The following SCFD1 variants were observed in gnomAD, a reference collection of about 807,000 sequenced individuals.
The protein encoded by SCFD1 is sec1 family domain-containing protein 1.
A neutral mutation model predicts 103.2 loss-of-function variants in SCFD1; 37 were observed. That is an observed-to-expected ratio of 0.36 (90% confidence interval 0.28 to 0.47). SCFD1 has a LOEUF of 0.47. Ranked by LOEUF, SCFD1 falls within the 20% of genes least tolerant of loss-of-function variation. SCFD1 has a pLI of 1.00. For missense variants in SCFD1, 639 were observed against 761.2 expected, an observed-to-expected ratio of 0.84 and a Z score of 1.89; for synonymous variants, 264 against 245.0, an observed-to-expected ratio of 1.08 and a Z score of -0.73.
intron 7 of SCFD1, among the ~76,000 whole-genome samples, chr14:30,646,782 T>C (rs1200937465): frequency 6.6e-6 from 1 of 152,204 alleles, no homozygotes; most frequent in Non-Finnish European, 1.5e-5. Flanking sequence ...TTTTTATTAC[T>C]GATTCAGTTT....
chr14:30,719,801 A>G (rs577170669), intron 21 of SCFD1, among the ~76,000 whole-genome samples: 32 of 152,264 alleles, frequency 2.1e-4, no homozygotes, highest in African/African-American at 7.5e-4. Context: ...TTGCTATGTA[A>G]CACCTTGTGT....
At chr14:30,705,078 G>A (rs1418504173) in intron 17 of SCFD1, among the ~76,000 whole-genome samples, 1 of 152,066 alleles carries the variant, frequency 6.6e-6, no homozygotes, top group Non-Finnish European at 1.5e-5. Flanking sequence ...GTATTGTTTA[G>A]TTACAGAGAT....
chr14:30,630,474 T>C lies in SCFD1; in HGVS notation c.133-3T>C. On this transcript the variant is annotated splice_region_variant and splice_polypyrimidine_tract_variant and intron_variant, in intron 2 of 24. Transcript: ENST00000458591. ...AATGATGACACATGGTTTTTTTTAATAGGTACTCATTTATGACAGATTTGG... is the reference window on the plus strand; with the variant it reads ...AATGATGACACATGGTTTTTTTTAACAGGTACTCATTTATGACAGATTTGG... The C allele has an allele frequency of 6.5e-7, 1 of 1,545,104 alleles. No individual in the cohort carries two copies. The highest frequency in any genetic ancestry group is 8.9e-7 in the Non-Finnish European group (1 of 1,118,676).
chr14:30,644,092 AT>A, intron 7 of SCFD1: 1 of 415,426 alleles, frequency 2.4e-6, no homozygotes, highest in East Asian at 7.3e-5. Context: ...AAGTGAGAAC[AT>A]AGGGTGTTTT....
At chr14:30,646,157 G>A (rs1244865467) in intron 7 of SCFD1, among the ~76,000 whole-genome samples, 5 of 152,020 alleles carry the variant, frequency 3.3e-5, no homozygotes, top group African/African-American at 4.8e-5. Context: ...CGAGTAGCTG[G>A]GACTACAGGC....
At chr14:30,681,787 ATAAAT>A (rs1386461661) in intron 14 of SCFD1, among the ~76,000 whole-genome samples, 1 of 152,160 alleles carries the variant, frequency 6.6e-6, no homozygotes, top group Non-Finnish European at 1.5e-5. Flanking sequence ...ATTATCTAGA[ATAAAT>A]TAAGTGATGT....
At chr14:30,668,303 G>T (rs368625219) in intron 10 of SCFD1, among the ~76,000 whole-genome samples, 1 of 152,000 alleles carries the variant, frequency 6.6e-6, no homozygotes, top group South Asian at 2.1e-4. Context: ...TGGGGAATGG[G>T]TTCCCTATTT....
At chr14:30,725,482 G>GCTTGA (rs1351780942) in intron 23 of SCFD1, among the ~76,000 whole-genome samples, 1 of 152,078 alleles carries the variant, frequency 6.6e-6, no homozygotes, top group Non-Finnish European at 1.5e-5. Flanking sequence ...TTGGCTCTCT[G>GCTTGA]CTTGACTGTT....
chr14:30,676,337 T>G (rs1889034241), intron 14 of SCFD1: 1 of 152,266 alleles, frequency 6.6e-6, no homozygotes, highest in Non-Finnish European at 1.5e-5. Context: ...CTCTGTTCTC[T>G]TGAAGCTTAT....
At chr14:30,642,639 T>C (rs1370251377) in intron 6 of SCFD1, among the ~76,000 whole-genome samples, 2 of 152,224 alleles carry the variant, frequency 1.3e-5, no homozygotes, top group Non-Finnish European at 2.9e-5. Flanking sequence ...CATTTCCTTT[T>C]CTGGCTGTAG....
intron 22 of SCFD1, 89 bp from the exon 23 acceptor site, chr14:30,722,405 C>A: frequency 1.1e-6 from 1 of 919,242 alleles, no homozygotes; most frequent in Non-Finnish European, 1.7e-6. Context: ...TAGAATATGA[C>A]TTTTGGCTAG....
chr14:30,710,163 A>G (rs892128960), intron 19 of SCFD1, among the ~76,000 whole-genome samples: 1 of 152,074 alleles, frequency 6.6e-6, no homozygotes, highest in Non-Finnish European at 1.5e-5. Flanking sequence ...TGGAGTGCAT[A>G]AGATACAGAA....
chr14:30,680,799 G>A (rs1452046265), intron 14 of SCFD1, among the ~76,000 whole-genome samples: 4 of 151,764 alleles, frequency 2.6e-5, no homozygotes, highest in African/African-American at 7.3e-5. Context: ...AGAGTAGAAG[G>A]GAACCTCTAT....
At chr14:30,729,372 A>G (rs1456858932) in intron 23 of SCFD1, among the ~76,000 whole-genome samples, 1 of 152,158 alleles carries the variant, frequency 6.6e-6, no homozygotes, top group Non-Finnish European at 1.5e-5. Flanking sequence ...GAATTGTATA[A>G]TTTTAAAATA....
At chr14:30,624,687 T>C (rs1242497274) in intron 1 of SCFD1, among the ~76,000 whole-genome samples, 1 of 152,208 alleles carries the variant, frequency 6.6e-6, no homozygotes. Context: ...AAACTGATCA[T>C]GCCATATGTT....
At chr14:30,642,368 G>A (rs919561288) in intron 6 of SCFD1, among the ~76,000 whole-genome samples, 1 of 152,178 alleles carries the variant, frequency 6.6e-6, no homozygotes, top group African/African-American at 2.4e-5. Flanking sequence ...GGGATTACAG[G>A]TGTGAGCTAC....
intron 17 of SCFD1, among the ~76,000 whole-genome samples, 187 bp downstream of exon 17, chr14:30,702,562 T>G (rs1320314723): frequency 6.6e-6 from 1 of 152,186 alleles, no homozygotes; most frequent in African/African-American, 2.4e-5. Flanking sequence ...AAAACAGTGA[T>G]GCCTTTCTTT....
intron 17 of SCFD1, among the ~76,000 whole-genome samples, chr14:30,703,069 A>C (rs1043860279): frequency 6.6e-6 from 1 of 152,050 alleles, no homozygotes; most frequent in Non-Finnish European, 1.5e-5. Context: ...AAAAAAAAAA[A>C]AATTATAACA....
intron 14 of SCFD1, chr14:30,682,898 G>C (rs1418183469): frequency 5.4e-6 from 2 of 369,860 alleles, no homozygotes; most frequent in Non-Finnish European, 9.8e-6. Flanking sequence ...TACATCACAA[G>C]GGCTCAACTG....
Sources: gnomAD v4.1 joint callset for allele counts (sites outside exome capture counted in the v4.1 genomes callset) on GRCh38, gnomAD v4.1.1 for gene constraint, MANE v1.5 for transcripts, NCBI Gene and HGNC (gene_info 2026-07-23, HGNC 2026-07-21) for gene names.